ISM1: variants seen among roughly 807,000 people sequenced by gnomAD.
ISM1 encodes the protein isthmin 1.
ISM1 carries 25 observed loss-of-function variants against 46.3 expected under a neutral mutation model. The observed-to-expected ratio is 0.54, with a 90% CI of 0.39 to 0.75. The LOEUF is 0.75. Among genes scored for constraint, ISM1 ranks in the 30% least tolerant of loss-of-function variants. The probability of loss-of-function intolerance (pLI) is 0.00; values close to 1 mark genes in which losing one functional copy is unlikely to be tolerated. For missense variants in ISM1, 536 were observed against 625.4 expected (o/e 0.86, Z 1.52); for synonymous variants, 255 against 256.7 (o/e 0.99, Z 0.06).
intron 2 of ISM1, among the ~76,000 whole-genome samples, chr20:13,277,784 G>A (rs1194641739): frequency 6.6e-6 from 1 of 152,016 alleles, no homozygotes; most frequent in Non-Finnish European, 1.5e-5. Flanking sequence ...CGTGACAGAG[G>A]AGAAGGGTGC....
At chr20:13,270,145 T>C (rs1265225819) in intron 1 of ISM1, among the ~76,000 whole-genome samples, 4 of 152,226 alleles carry the variant, frequency 2.6e-5, no homozygotes, top group African/African-American at 9.6e-5. Context: ...AAAGCCAAGG[T>C]GGTTAATCAG....
intron 1 of ISM1, chr20:13,238,917 AG>A (rs2039684345): frequency 6.6e-6 from 1 of 152,240 alleles, no homozygotes; most frequent in African/African-American, 2.4e-5. Context: ...TGCTGGAAAA[AG>A]GCTAACAACT....
At position 13,221,727 on chromosome 20, in the gene ISM1, C is replaced by CGCCGCCGCCG; in HGVS notation, c.-41_-32dup. The CGCCGCCGCCG allele has an allele frequency of 7.5e-7, 1 of 1,338,528 alleles. No homozygotes were observed. Among genetic ancestry groups the CGCCGCCGCCG allele is most frequent in the Non-Finnish European group, 9.5e-7 (1 of 1,048,138 alleles). 82.9% of individuals were successfully genotyped at this position (1,338,528 alleles called of 1,614,324 possible). On this transcript the variant is annotated 5_prime_UTR_variant, in exon 1 of 6. The change abolishes the stop of an existing upstream ORF in the 5' untranslated region. Transcript: ENST00000262487. ...ACTCCTCCTCCCCCGGCGTCACCGCCGCCGCCGCCGGCCGCCGCGCCGGGT... is the reference window on the plus strand; with the variant it reads ...ACTCCTCCTCCCCCGGCGTCACCGCCGCCGCCGCCGGCCGCCGCCGGCCGCCGCGCCGGGT...
At chr20:13,245,830 T>C (rs2039786119) in intron 1 of ISM1, among the ~76,000 whole-genome samples, 1 of 152,214 alleles carries the variant, frequency 6.6e-6, no homozygotes, top group Non-Finnish European at 1.5e-5. Context: ...AGGAACTCCA[T>C]ATCTGGAACT....
chr20:13,309,287 A>G, the ISM1 span, among the ~76,000 whole-genome samples: 1 of 144,576 alleles, frequency 6.9e-6, no homozygotes, highest in East Asian at 2.0e-4. Flanking sequence ...TTATTTCTTT[A>G]AAAAAAAAAA....
intron 3 of ISM1, among the ~76,000 whole-genome samples, chr20:13,284,591 T>C (rs1401696178): frequency 1.3e-5 from 2 of 152,238 alleles, no homozygotes; most frequent in African/African-American, 4.8e-5. Flanking sequence ...GATTTGTCCC[T>C]GTCAGAAATG....
At chr20:13,318,865 G>C in the ISM1 span, among the ~76,000 whole-genome samples, 1 of 152,218 alleles carries the variant, frequency 6.6e-6, no homozygotes, top group Non-Finnish European at 1.5e-5. Context: ...GTTGCCAGGG[G>C]TTGAGAAGAG....
At chr20:13,284,865 G>A (rs2040275018) in intron 3 of ISM1, among the ~76,000 whole-genome samples, 1 of 152,226 alleles carries the variant, frequency 6.6e-6, no homozygotes, top group South Asian at 2.1e-4. Context: ...TTAAAATAAA[G>A]ATGTGGAGAA....
intron 1 of ISM1, among the ~76,000 whole-genome samples, chr20:13,263,054 C>T (rs776798155): frequency 2.0e-5 from 3 of 152,162 alleles, no homozygotes; most frequent in Non-Finnish European, 2.9e-5. Context: ...TCAGGGCTGT[C>T]GTCAGAGTGC....
At chr20:13,286,584 C>CG (rs1333675711) in intron 3 of ISM1, among the ~76,000 whole-genome samples, 2 of 151,998 alleles carry the variant, frequency 1.3e-5, no homozygotes, top group Admixed American at 6.6e-5. Flanking sequence ...GATGGGGCCT[C>CG]GGGGGGCAGA....
chr20:13,231,320 C>T (rs966851269), intron 1 of ISM1, among the ~76,000 whole-genome samples: 4 of 152,184 alleles, frequency 2.6e-5, no homozygotes, highest in African/African-American at 4.8e-5. Context: ...TACCCCATGC[C>T]CTCCCGGAGC....
chr20:13,320,330 G>C, the ISM1 span, among the ~76,000 whole-genome samples: 1 of 152,160 alleles, frequency 6.6e-6, no homozygotes, highest in African/African-American at 2.4e-5. Context: ...CATTAGCTTT[G>C]TACTAGAGGA....
intron 2 of ISM1, among the ~76,000 whole-genome samples, chr20:13,272,315 T>A (rs1019678498): frequency 6.6e-6 from 1 of 152,194 alleles, no homozygotes; most frequent in Non-Finnish European, 1.5e-5. Flanking sequence ...AACACCAGCA[T>A]CATGGGAGCA....
the ISM1 span, among the ~76,000 whole-genome samples, chr20:13,319,424 C>T: frequency 1.3e-5 from 2 of 152,116 alleles, no homozygotes; most frequent in African/African-American, 4.8e-5. Flanking sequence ...CACATTGCAT[C>T]TGAGTTTCAC....
At chr20:13,323,116 A>G in the ISM1 span, among the ~76,000 whole-genome samples, 11 of 152,288 alleles carry the variant, frequency 7.2e-5, no homozygotes, top group Non-Finnish European at 1.6e-4. Flanking sequence ...ACTAAGAGCA[A>G]TCAGACCACA....
chr20:13,248,373 T>G (rs1260766529), intron 1 of ISM1, among the ~76,000 whole-genome samples: 1 of 152,136 alleles, frequency 6.6e-6, no homozygotes, highest in Admixed American at 6.5e-5. Context: ...AATTTGATAT[T>G]CTTTTGAAAA....
At chr20:13,325,350 G>A in the ISM1 span, among the ~76,000 whole-genome samples, 1 of 152,216 alleles carries the variant, frequency 6.6e-6, no homozygotes, top group African/African-American at 2.4e-5. Flanking sequence ...TGCTTAAGAT[G>A]TATTTGTTTC....
intron 1 of ISM1, 43 bp downstream of exon 1, chr20:13,221,957 G>A: frequency 7.7e-7 from 1 of 1,304,246 alleles, no homozygotes; most frequent in Non-Finnish European, 9.7e-7. Flanking sequence ...CTGCGGGGAC[G>A]GTTTGTGGGG....
chr20:13,259,649 TAGA>T (rs1379573991), intron 1 of ISM1, among the ~76,000 whole-genome samples: 1 of 152,226 alleles, frequency 6.6e-6, no homozygotes, highest in African/African-American at 2.4e-5. Context: ...TAATGTCCTG[TAGA>T]GCCATAAAAC....
Sources: gnomAD v4.1 joint callset for allele counts (sites outside exome capture counted in the v4.1 genomes callset) on GRCh38, gnomAD v4.1.1 for gene constraint, MANE v1.5 for transcripts, NCBI Gene and HGNC (gene_info 2026-07-23, HGNC 2026-07-21) for gene names.